MCOLN2: variants seen among roughly 807,000 people sequenced by gnomAD.
MCOLN2 encodes the protein mucolipin-2.
In MCOLN2, 57 loss-of-function variants were observed where a neutral mutation model predicts 67.5. The ratio of observed to expected loss-of-function variants is 0.84; its 90% CI spans 0.68 to 1.05. The LOEUF is 1.05. Among genes scored for constraint, MCOLN2 ranks in the 50% least tolerant of loss-of-function variants. The pLI is 0.00. For synonymous variants in MCOLN2, 246 were observed against 233.3 expected (o/e 1.05, Z -0.50); for missense variants, 620 against 678.8 (o/e 0.91, Z 0.96).
At chr1:84,972,041 GACAAAAACAAACAACA>G (rs1306060886) in intron 1 of MCOLN2, 6 of 152,178 alleles carry the variant, frequency 3.9e-5, no homozygotes, top group Non-Finnish European at 8.8e-5. Flanking sequence ...CAACCTGGGG[GACAAAAACAAACAACA>G]ACAAAAACAA....
At chr1:84,929,933 T>TTAAA (rs1026900709) in intron 12 of MCOLN2, 2 of 195,040 alleles carry the variant, frequency 1.0e-5, no homozygotes, top group African/African-American at 2.4e-5. Flanking sequence ...AGGTTTTTTT[T>TTAAA]AAAAAAAAAA....
intron 1 of MCOLN2, among the ~76,000 whole-genome samples, chr1:84,995,827 T>C (rs1176002518): frequency 2.6e-5 from 4 of 151,846 alleles, no homozygotes; most frequent in Non-Finnish European, 5.9e-5. Context: ...ACTTTTGATA[T>C]GTTCCTCCTT....
At chr1:84,995,164 C>T (rs1651084141) in intron 1 of MCOLN2, among the ~76,000 whole-genome samples, 1 of 151,990 alleles carries the variant, frequency 6.6e-6, no homozygotes, top group Non-Finnish European at 1.5e-5. Context: ...GATCAGTGGT[C>T]ACAGATCACC....
chr1:84,961,694 CA>C (rs1380954340), intron 2 of MCOLN2, among the ~76,000 whole-genome samples: 1 of 151,998 alleles, frequency 6.6e-6, no homozygotes, highest in African/African-American at 2.4e-5. Context: ...GCATTGACAG[CA>C]AAATGCATCC....
intron 6 of MCOLN2, among the ~76,000 whole-genome samples, chr1:84,948,923 A>G (rs1648265977): frequency 6.6e-6 from 1 of 152,226 alleles, no homozygotes; most frequent in Admixed American, 6.5e-5. Flanking sequence ...TTAGGTCAGG[A>G]GGTTGAGACC....
At chr1:84,934,889 T>C (rs1482856789) in intron 11 of MCOLN2, among the ~76,000 whole-genome samples, 2 of 152,218 alleles carry the variant, frequency 1.3e-5, no homozygotes, top group Non-Finnish European at 2.9e-5. Context: ...ATTGAGCCCC[T>C]GAAATCAGAT....
At chr1:84,987,931 G>A (rs1451268668) in intron 1 of MCOLN2, among the ~76,000 whole-genome samples, 1 of 152,004 alleles carries the variant, frequency 6.6e-6, no homozygotes, top group African/African-American at 2.4e-5. Flanking sequence ...TTGGAATGGC[G>A]TAAAAGATAA....
chr1:84,960,468 G>A (rs539505415), intron 2 of MCOLN2, among the ~76,000 whole-genome samples: 3 of 152,258 alleles, frequency 2.0e-5, no homozygotes, highest in African/African-American at 4.8e-5. Flanking sequence ...GGCAACTATC[G>A]CTTGAGAAGG....
At chr1:84,937,697 C>T in intron 11 of MCOLN2, 58 bp downstream of exon 11, 1 of 1,599,988 alleles carries the variant, frequency 6.3e-7, no homozygotes, top group South Asian at 1.1e-5. Context: ...GTGCTAGAAA[C>T]CCACGTTCAA....
chr1:84,990,170 C>T (rs1270643333), intron 1 of MCOLN2, among the ~76,000 whole-genome samples: 1 of 151,624 alleles, frequency 6.6e-6, no homozygotes, highest in African/African-American at 2.4e-5. Flanking sequence ...TGGTGGTGTG[C>T]TCCTGTAATC....
At chr1:84,935,782 T>C (rs1209294282) in intron 11 of MCOLN2, among the ~76,000 whole-genome samples, 1 of 152,160 alleles carries the variant, frequency 6.6e-6, no homozygotes, top group Non-Finnish European at 1.5e-5. Context: ...TTCACCTGGA[T>C]CCTTTGAAAG....
At chr1:84,987,729 C>T (rs1414108447) in intron 1 of MCOLN2, among the ~76,000 whole-genome samples, 1 of 124,930 alleles carries the variant, frequency 8.0e-6, no homozygotes, top group Non-Finnish European at 1.7e-5. Flanking sequence ...TTGAATGCTA[C>T]TCAGCTATAA....
At chr1:84,936,587 A>T (rs551978045) in intron 11 of MCOLN2, among the ~76,000 whole-genome samples, 2 of 152,336 alleles carry the variant, frequency 1.3e-5, no homozygotes, top group African/African-American at 2.4e-5. Context: ...AATATTATCA[A>T]GATTTACTAC....
At chr1:84,937,540 G>A (rs1647496258) in intron 11 of MCOLN2, 1 of 1,216,474 alleles carries the variant, frequency 8.2e-7, no homozygotes. Flanking sequence ...TATAATACAT[G>A]CTTTCTAGTA....
chr1:84,976,831 A>G (rs1650014537), intron 1 of MCOLN2, among the ~76,000 whole-genome samples: 1 of 152,188 alleles, frequency 6.6e-6, no homozygotes, highest in Non-Finnish European at 1.5e-5. Context: ...CTGTCCTACA[A>G]AAAATGCTGA....
At chr1:84,932,694 G>C (rs1240980015) in intron 11 of MCOLN2, among the ~76,000 whole-genome samples, 1 of 152,100 alleles carries the variant, frequency 6.6e-6, no homozygotes, top group South Asian at 2.1e-4. Flanking sequence ...GTGTTGAATT[G>C]ATTACTCTTC....
chr1:84,955,380 G>A (rs994765847), intron 4 of MCOLN2, among the ~76,000 whole-genome samples: 1 of 152,088 alleles, frequency 6.6e-6, no homozygotes, highest in Non-Finnish European at 1.5e-5. Flanking sequence ...TGTTTGAACT[G>A]AAACCTTTTT....
intron 11 of MCOLN2, among the ~76,000 whole-genome samples, chr1:84,934,904 A>G (rs1647338430): frequency 6.6e-6 from 1 of 152,202 alleles, no homozygotes. Context: ...TCAGATGCCT[A>G]ACAGGAAGAT....
At chr1:84,969,700 T>G (rs1360699807) in intron 1 of MCOLN2, among the ~76,000 whole-genome samples, 1 of 143,378 alleles carries the variant, frequency 7.0e-6, no homozygotes, top group Non-Finnish European at 1.6e-5. Flanking sequence ...CTTGACCAAC[T>G]TAATGAGCAC....
Sources: allele counts gnomAD v4.1 joint callset (sites outside exome capture counted in the v4.1 genomes callset), GRCh38; gene constraint gnomAD v4.1.1; transcripts MANE v1.5; gene names NCBI Gene and HGNC (gene_info 2026-07-23, HGNC 2026-07-21).